NRG1: variants seen among roughly 807,000 people sequenced by gnomAD.
NRG1 encodes neuregulin 1.
Under a neutral mutation model 63.8 loss-of-function variants are expected in NRG1, and 18 were observed. The ratio of observed to expected loss-of-function variants is 0.28; its 90% CI spans 0.19 to 0.42. The LOEUF (loss-of-function observed/expected upper bound fraction) is 0.42. Ranked by LOEUF, NRG1 falls within the 10% of genes least tolerant of loss-of-function variation. NRG1 has a pLI of 1.00. For synonymous variants in NRG1, 302 were observed against 301.3 expected (o/e 1.00, Z -0.02); for missense variants, 762 against 814.7 (o/e 0.94, Z 0.79).
chr8:32,413,884 A>G (rs1231626267), intron 1 of NRG1, among the ~76,000 whole-genome samples: 2 of 151,810 alleles, frequency 1.3e-5, no homozygotes, highest in Non-Finnish European at 2.9e-5. Context: ...GGACACAGGT[A>G]TAGAAACCTC....
intron 1 of NRG1, among the ~76,000 whole-genome samples, chr8:31,720,811 GT>G (rs1247105851): frequency 2.0e-5 from 3 of 152,150 alleles, no homozygotes; most frequent in Non-Finnish European, 4.4e-5. Flanking sequence ...CCTCACCCTT[GT>G]TTAGCCAGGT....
chr8:32,526,342 T>C (rs928523740), intron 1 of NRG1, among the ~76,000 whole-genome samples: 1 of 152,216 alleles, frequency 6.6e-6, no homozygotes, highest in Non-Finnish European at 1.5e-5. Context: ...TCTCTCTCTA[T>C]AGCAGTTTGT....
intron 1 of NRG1, among the ~76,000 whole-genome samples, chr8:31,772,741 C>G (rs1446902745): frequency 6.6e-6 from 1 of 152,078 alleles, no homozygotes; most frequent in Non-Finnish European, 1.5e-5. Flanking sequence ...ATAAAAGGCT[C>G]TGAAGCAGAC....
chr8:31,647,188 G>A (rs1316450151), intron 1 of NRG1, among the ~76,000 whole-genome samples: 1 of 152,170 alleles, frequency 6.6e-6, no homozygotes, highest in Non-Finnish European at 1.5e-5. Context: ...TCTCAGTACT[G>A]TAAGTGATAC....
chr8:32,506,330 C>A (rs567968033), intron 1 of NRG1, among the ~76,000 whole-genome samples: 119 of 152,194 alleles, frequency 7.8e-4, no homozygotes, highest in African/African-American at 2.7e-3. Context: ...GAAGGGAGGA[C>A]TTCATCGAAT....
intron 6 of NRG1, among the ~76,000 whole-genome samples, chr8:32,731,139 C>G (rs1229076976): frequency 6.6e-6 from 1 of 152,052 alleles, no homozygotes; most frequent in African/African-American, 2.4e-5. Context: ...ATTCTTTAGC[C>G]CTCCCACGTC....
At chr8:32,278,238 T>C (rs558227090) in intron 1 of NRG1, among the ~76,000 whole-genome samples, 1 of 152,046 alleles carries the variant, frequency 6.6e-6, no homozygotes, top group Non-Finnish European at 1.5e-5. Context: ...AACACAGAAA[T>C]GGCTCAGAAA....
intron 1 of NRG1, among the ~76,000 whole-genome samples, chr8:32,293,471 C>T (rs1416088296): frequency 6.6e-6 from 1 of 152,016 alleles, no homozygotes; most frequent in Non-Finnish European, 1.5e-5. Flanking sequence ...TCCTTCTGGC[C>T]CCCAGATCTA....
intron 1 of NRG1, among the ~76,000 whole-genome samples, chr8:32,022,858 T>C (rs570807431): frequency 3.9e-4 from 60 of 152,348 alleles, no homozygotes; most frequent in African/African-American, 1.3e-3. Context: ...CCACAGAGTC[T>C]GTGCTAAATG....
chr8:31,894,546 C>CTTTCTTTTTTT lies in NRG1; in HGVS notation c.37+255118_37+255119insCTTTTTTTTTT, dbSNP rs1563536134. ...GTGAAATCATAATTGCTATTTCTTT[C>CTTTCTTTTTTT]TTTTTTCTTTTTTTTTTTTTTTGAG... is the stretch of plus-strand genomic sequence containing the variant. On this transcript the variant is annotated intron_variant, in intron 1 of 10. Transcript: ENST00000519301. 2.0e-5 allele frequency among the ~76,000 whole-genome samples: 2 copies of CTTTCTTTTTTT among 98,076 alleles called. 1 individual carries two copies. 64.3% of individuals were successfully genotyped at this position (98,076 alleles called of 152,430 possible).
chr8:32,636,078 A>G (rs1851284650), intron 5 of NRG1, among the ~76,000 whole-genome samples: 1 of 152,196 alleles, frequency 6.6e-6, no homozygotes, highest in African/African-American at 2.4e-5. Context: ...GGGACAGAGT[A>G]GTGGCAAAGC....
intron 1 of NRG1, among the ~76,000 whole-genome samples, chr8:31,947,073 G>T (rs1470884149): frequency 6.6e-6 from 1 of 152,052 alleles, no homozygotes; most frequent in Non-Finnish European, 1.5e-5. Context: ...GGCCGAGGCG[G>T]GTGGATCATG....
intron 6 of NRG1, among the ~76,000 whole-genome samples, chr8:32,732,778 C>CA: frequency 7.0e-6 from 1 of 142,968 alleles, no homozygotes; most frequent in African/African-American, 2.6e-5. Flanking sequence ...TTTTAACAGA[C>CA]TGTGTTATCA....
intron 1 of NRG1, among the ~76,000 whole-genome samples, chr8:32,407,090 C>G (rs1313913399): frequency 6.6e-6 from 1 of 151,660 alleles, no homozygotes; most frequent in Non-Finnish European, 1.5e-5. Context: ...GTTTCCTCAT[C>G]TGTAATATTA....
chr8:32,297,530 T>C (rs1855037007), intron 1 of NRG1, among the ~76,000 whole-genome samples: 1 of 152,226 alleles, frequency 6.6e-6, no homozygotes, highest in South Asian at 2.1e-4. Flanking sequence ...GCTTGCCCTT[T>C]AGTTGCTACT....
intron 1 of NRG1, among the ~76,000 whole-genome samples, chr8:32,429,174 A>G (rs999603512): frequency 6.6e-6 from 1 of 152,182 alleles, no homozygotes; most frequent in African/African-American, 2.4e-5. Flanking sequence ...ATGTTTTACA[A>G]TATGAATTGG....
At chr8:31,944,842 C>A (rs1204239799) in intron 1 of NRG1, among the ~76,000 whole-genome samples, 1 of 152,162 alleles carries the variant, frequency 6.6e-6, no homozygotes, top group African/African-American at 2.4e-5. Flanking sequence ...AGGGAACCAG[C>A]TGTATGTAGT....
At chr8:32,149,537 GTTTA>G in intron 1 of NRG1, among the ~76,000 whole-genome samples, 1 of 152,072 alleles carries the variant, frequency 6.6e-6, no homozygotes. Flanking sequence ...TTTCTCTGTA[GTTTA>G]TACAGAGGAT....
At chr8:32,234,539 T>C (rs934739707) in intron 1 of NRG1, among the ~76,000 whole-genome samples, 82 of 152,304 alleles carry the variant, frequency 5.4e-4, no homozygotes, top group African/African-American at 1.9e-3. Flanking sequence ...TAAATCCATA[T>C]TTGCTCGCTC....
Sources: allele counts gnomAD v4.1 joint callset (sites outside exome capture counted in the v4.1 genomes callset), GRCh38; gene constraint gnomAD v4.1.1; transcripts MANE v1.5; gene names NCBI Gene and HGNC (gene_info 2026-07-23, HGNC 2026-07-21).